Variants in ZBTB20 observed in about 807,000 individuals in gnomAD.
The protein encoded by ZBTB20 is zinc finger and BTB domain containing 20, also known as zinc finger and BTB domain-containing protein 20.
In ZBTB20, 9 loss-of-function variants were observed where a neutral mutation model predicts 56.9. The observed-to-expected ratio is 0.16, with a 90% CI of 0.10 to 0.28. ZBTB20 has a LOEUF of 0.28. Ranked by LOEUF, ZBTB20 falls within the 10% of genes least tolerant of loss-of-function variation. The pLI is 1.00. For missense variants in ZBTB20, 655 were observed against 1,003.0 expected, an observed-to-expected ratio of 0.65 and a Z score of 4.69; for synonymous variants, 417 against 420.7, an observed-to-expected ratio of 0.99 and a Z score of 0.11.
intron 1 of ZBTB20, among the ~76,000 whole-genome samples, chr3:115,082,992 C>G (rs2082852424): frequency 6.6e-6 from 1 of 152,036 alleles, no homozygotes; most frequent in Non-Finnish European, 1.5e-5. Context: ...TATTCCTGCT[C>G]AAACCAAATG....
intron 7 of ZBTB20, among the ~76,000 whole-genome samples, chr3:114,417,423 G>T (rs1017619401): frequency 6.6e-6 from 1 of 152,008 alleles, no homozygotes; most frequent in African/African-American, 2.4e-5. Flanking sequence ...TTCTGTAACC[G>T]TCCCTACTAT....
chr3:114,892,745 C>G (rs1026696425), intron 4 of ZBTB20, among the ~76,000 whole-genome samples: 1 of 152,052 alleles, frequency 6.6e-6, no homozygotes, highest in African/African-American at 2.4e-5. Context: ...CTGAATAGTC[C>G]CAGGACATCA....
At chr3:114,974,194 A>G (rs1307941197) in intron 3 of ZBTB20, among the ~76,000 whole-genome samples, 172 bp downstream of exon 3, 1 of 152,076 alleles carries the variant, frequency 6.6e-6, no homozygotes, top group Non-Finnish European at 1.5e-5. Flanking sequence ...TTAACTTACA[A>G]TTTCATATTA....
chr3:114,997,018 C>T (rs139459337), intron 2 of ZBTB20, among the ~76,000 whole-genome samples: 6,667 of 142,618 alleles, frequency 0.047, 219 homozygotes, highest in Non-Finnish European at 0.073. Flanking sequence ...AATAGGAACG[C>T]TTTTACCCTG....
At chr3:114,529,406 G>A (rs1310005050) in intron 6 of ZBTB20, 2 of 152,138 alleles carry the variant, frequency 1.3e-5, no homozygotes, top group Admixed American at 6.5e-5. Context: ...GGGAGTGTGC[G>A]TATTATAGAA....
intron 7 of ZBTB20, among the ~76,000 whole-genome samples, chr3:114,469,887 T>C (rs1391496865): frequency 6.6e-6 from 1 of 152,170 alleles, no homozygotes; most frequent in Non-Finnish European, 1.5e-5. Context: ...GGGCTTGAGA[T>C]TGTGCATTAA....
chr3:114,662,332 C>A (rs1399138577), intron 6 of ZBTB20, among the ~76,000 whole-genome samples: 2 of 148,554 alleles, frequency 1.3e-5, no homozygotes, highest in Admixed American at 1.3e-4. Context: ...GGTTCCAAGT[C>A]TTTGCTATTG....
In ZBTB20 at chr3:115,079,614, G is replaced by A. The variant is rs112732271; in HGVS notation, c.-702-8200C>T. Reference sequence around the variant, plus strand: ...ATGTTGTCCAGTCCAGGCTGGTCTCGAACTCCTGACCTCAAGTGATCCACC... The same window carrying A: ...ATGTTGTCCAGTCCAGGCTGGTCTCAAACTCCTGACCTCAAGTGATCCACC... On this transcript the variant is annotated intron_variant, in intron 1 of 11. Coordinates refer to ENST00000675478, the MANE Select transcript of ZBTB20 (RefSeq NM_001348800.3). Among the ~76,000 whole-genome samples, 602 of 152,130 alleles carry A rather than the reference G, an allele frequency of 4.0e-3. 2 individuals carry two copies. Among genetic ancestry groups the A allele is most frequent in the African/African-American group, 0.014 (577 of 41,500 alleles).
chr3:114,904,339 G>C (rs1346063106), intron 3 of ZBTB20: 1 of 151,894 alleles, frequency 6.6e-6, no homozygotes, highest in Admixed American at 6.6e-5. Flanking sequence ...GGGCCTGTGG[G>C]TACAACCACT....
chr3:114,592,748 TTATTC>T (rs2055903917), intron 6 of ZBTB20, among the ~76,000 whole-genome samples: 1 of 152,236 alleles, frequency 6.6e-6, no homozygotes, highest in South Asian at 2.1e-4. Flanking sequence ...AAGAGATTAC[TTATTC>T]TAATCTATTC....
At chr3:114,791,879 C>A (rs1345326309) in intron 5 of ZBTB20, 1 of 152,146 alleles carries the variant, frequency 6.6e-6, no homozygotes, top group Non-Finnish European at 1.5e-5. Flanking sequence ...GAGTGATCTT[C>A]ATTCTGTATT....
intron 2 of ZBTB20, among the ~76,000 whole-genome samples, chr3:115,036,324 G>T (rs1032993097): frequency 6.6e-6 from 1 of 150,710 alleles, no homozygotes; most frequent in Non-Finnish European, 1.5e-5. Flanking sequence ...TTTCCGAGAC[G>T]GAGTCTCGCT....
At chr3:114,544,169 G>T (rs1445533278) in intron 6 of ZBTB20, among the ~76,000 whole-genome samples, 1 of 152,104 alleles carries the variant, frequency 6.6e-6, no homozygotes, top group Non-Finnish European at 1.5e-5. Context: ...ATAAAGCAGT[G>T]ACCATTTAAG....
At chr3:114,638,708 C>A (rs1309903222) in intron 6 of ZBTB20, among the ~76,000 whole-genome samples, 5 of 151,408 alleles carry the variant, frequency 3.3e-5, no homozygotes, top group Non-Finnish European at 5.9e-5. Flanking sequence ...GAAACCAGGT[C>A]AAAAAAGGAA....
intron 7 of ZBTB20, among the ~76,000 whole-genome samples, chr3:114,390,246 T>A (rs143328252): frequency 6.6e-6 from 1 of 152,328 alleles, no homozygotes; most frequent in African/African-American, 2.4e-5. Flanking sequence ...GACCTCTAGA[T>A]TCATCCATGT....
intron 7 of ZBTB20, among the ~76,000 whole-genome samples, chr3:114,444,428 C>T (rs1021991930): frequency 2.6e-5 from 4 of 152,080 alleles, no homozygotes; most frequent in African/African-American, 7.2e-5. Context: ...CTGCCACATC[C>T]GAGGTGAGGT....
At chr3:115,111,336 GAAAT>G (rs1170473990) in intron 1 of ZBTB20, among the ~76,000 whole-genome samples, 2 of 152,004 alleles carry the variant, frequency 1.3e-5, no homozygotes, top group Non-Finnish European at 2.9e-5. Flanking sequence ...AGTTATGAAA[GAAAT>G]AAATCATTAT....
At chr3:114,653,150 G>T (rs2060218106) in intron 6 of ZBTB20, among the ~76,000 whole-genome samples, 1 of 151,716 alleles carries the variant, frequency 6.6e-6, no homozygotes, top group Non-Finnish European at 1.5e-5. Context: ...TTATTGCTCT[G>T]GCTAGGATCT....
At chr3:114,413,412 G>C (rs113589224) in intron 7 of ZBTB20, among the ~76,000 whole-genome samples, 8 of 152,186 alleles carry the variant, frequency 5.3e-5, no homozygotes, top group African/African-American at 1.9e-4. Flanking sequence ...TATCACAAAG[G>C]TTTAGCTAAA....
Sources: allele counts gnomAD v4.1 joint callset (sites outside exome capture counted in the v4.1 genomes callset), GRCh38; gene constraint gnomAD v4.1.1; transcripts MANE v1.5; gene names NCBI Gene and HGNC (gene_info 2026-07-23, HGNC 2026-07-21).